The following TCF7L2 variants were observed in gnomAD, a reference collection of about 807,000 sequenced individuals.
TCF7L2 encodes the protein transcription factor 7 like 2.
A neutral mutation model predicts 77.9 loss-of-function variants in TCF7L2; 23 were observed. The observed-to-expected ratio is 0.30, with a 90% CI of 0.21 to 0.42. The LOEUF (loss-of-function observed/expected upper bound fraction) is 0.42. TCF7L2 is among the 10% of genes least tolerant of loss of function. TCF7L2 has a pLI of 1.00. For synonymous variants in TCF7L2, 413 were observed against 340.2 expected (o/e 1.21, Z -2.36); for missense variants, 654 against 793.1 (o/e 0.82, Z 2.11).
rs56967778 is a variant in TCF7L2, at chr10:113,144,622, A to C, written c.788+597A>C. Among the ~76,000 whole-genome samples the C allele has an allele frequency of 2.0e-5, 3 of 152,250 alleles. No individual in the cohort carries two copies. The East Asian group carries it at 5.8e-4, about 29-fold the overall frequency. On this transcript the variant is annotated intron_variant, in intron 7 of 13. Transcript: ENST00000627217. Reference sequence around the variant, plus strand: ...TTTGTCTGTTGAGAAGCTCCATGGGACTGAATCAGCATCTCTCTGAGAGTC... The same window carrying C: ...TTTGTCTGTTGAGAAGCTCCATGGGCCTGAATCAGCATCTCTCTGAGAGTC...
chr10:112,994,440 GT>G (rs1263005366), intron 4 of TCF7L2, among the ~76,000 whole-genome samples: 2 of 152,090 alleles, frequency 1.3e-5, no homozygotes, highest in Non-Finnish European at 2.9e-5. Context: ...ATATTTTATT[GT>G]ATGGATAGAC....
chr10:113,167,419 C>T lies in TCF7L2; in HGVS notation c.*1447C>T, dbSNP rs912173620. On this transcript the variant is annotated 3_prime_UTR_variant, in exon 14 of 14. Coordinates refer to ENST00000627217, the MANE Select transcript of TCF7L2 (RefSeq NM_001146274.2). ...AAGCTGAAACCTGTTCATTCAGTGC[C>T]ATTGTAGTTGACATGAAGCGATTGT... 1.3e-5 allele frequency: 3 copies of T among 225,430 alleles called. No individual in the cohort carries two copies. Among genetic ancestry groups the T allele is most frequent in the Non-Finnish European group, 2.6e-5 (3 of 113,368 alleles). 14.0% of individuals were successfully genotyped at this position (225,430 alleles called of 1,614,324 possible).
intron 4 of TCF7L2, among the ~76,000 whole-genome samples, chr10:113,014,703 T>C (rs2047045985): frequency 6.6e-6 from 1 of 151,720 alleles, no homozygotes; most frequent in South Asian, 2.1e-4. Flanking sequence ...GGAGAATTGC[T>C]TGATCCCAGG....
At position 112,950,658 on chromosome 10, in the gene TCF7L2, T is replaced by C; in HGVS notation, c.-99T>C. The C allele has an allele frequency of 1.5e-6, 2 of 1,307,470 alleles. No individual in the cohort carries two copies. Among genetic ancestry groups the C allele is most frequent in the Middle Eastern group, 3.0e-4 (1 of 3,370 alleles). The allele number at this position is 1,307,470 out of a possible 1,614,324, so 81.0% of individuals were successfully genotyped here. ...CCTTGGACTCGTCTTTTTCTTGCAA[T>C]ATTTTTTGGGGGGGCAAAACTTTTT... On this transcript the variant is annotated 5_prime_UTR_variant, in exon 1 of 14. Transcript: ENST00000627217.
At chr10:113,071,397 A>G (rs894750391) in intron 5 of TCF7L2, among the ~76,000 whole-genome samples, 1 of 152,144 alleles carries the variant, frequency 6.6e-6, no homozygotes, top group Non-Finnish European at 1.5e-5. Context: ...CCACTGGAGC[A>G]AGAGAAGCTT....
rs1427852083 is a variant in TCF7L2, at chr10:113,104,651, T to C, written c.553-36533T>C. On this transcript the variant is annotated intron_variant, in intron 5 of 13. Transcript: ENST00000627217. The stretch of plus-strand genomic sequence containing the variant: ...TGCAGATGGCCTAAAATACATATGG[T>C]AAGCCACTTATTTAATTTGATCTCA... Among the ~76,000 whole-genome samples the C allele has an allele frequency of 2.6e-5, 4 of 152,292 alleles. No individual in the cohort carries two copies. The East Asian group carries it at 7.7e-4, about 29-fold the overall frequency.
intron 5 of TCF7L2, among the ~76,000 whole-genome samples, chr10:113,067,317 A>G (rs147830157): frequency 1.9e-4 from 29 of 152,300 alleles, no homozygotes; most frequent in African/African-American, 7.0e-4. Context: ...CTGGCAGAAG[A>G]ATTTTCTGGT....
chr10:112,989,163 G>C (rs143576483), intron 4 of TCF7L2, among the ~76,000 whole-genome samples: 11 of 152,072 alleles, frequency 7.2e-5, no homozygotes, highest in Non-Finnish European at 1.5e-5. Context: ...TCAGATGTAG[G>C]TTCCTGTGTC....
Position 113,164,383 on chromosome 10 carries a change from G to A in TCF7L2, c.1392-1172G>A, listed in dbSNP as rs909170327. Among the ~76,000 whole-genome samples the A allele has an allele frequency of 5.3e-5, 8 of 152,272 alleles. No homozygotes were observed. In the South Asian group the frequency reaches 6.2e-4, roughly 12 times the overall value. On this transcript the variant is annotated intron_variant, in intron 13 of 13. Coordinates refer to ENST00000627217, the MANE Select transcript of TCF7L2 (RefSeq NM_001146274.2). ...AAATTAGTCTTTCTGGTTTAAACAC[G>A]AATCACGATAACCCAAACCCAGGAA... is the stretch of plus-strand genomic sequence containing the variant.
chr10:113,059,732 T>A (rs1012424160), intron 5 of TCF7L2, among the ~76,000 whole-genome samples: 1 of 152,096 alleles, frequency 6.6e-6, no homozygotes, highest in African/African-American at 2.4e-5. Flanking sequence ...GAATATTAAC[T>A]GTTTACTGCC....
rs1003550631 is a variant in TCF7L2 at position 113,151,974 on chromosome 10, A to G, written c.1161+90A>G. The G allele has an allele frequency of 2.7e-5, 40 of 1,497,108 alleles. No homozygotes were observed. In the East Asian group the frequency reaches 3.2e-4, roughly 12 times the overall value. 92.7% of individuals were successfully genotyped at this position (1,497,108 alleles called of 1,614,324 possible). A position where few individuals can be genotyped will look rare whatever the true frequency, so the allele number is the denominator to read the frequency against. On this transcript the variant is annotated intron_variant, in intron 10 of 13. Coordinates refer to ENST00000627217, the MANE Select transcript of TCF7L2 (RefSeq NM_001146274.2). This position sits in a 1 kb window ranked among gnomAD's most constrained non-coding sequence, Gnocchi z 5.2. ...CAGGTGGCAGAATGTCTCTGTCCCC[A>G]TTTCTTTGGAGAATTCTTGCCCTTC...
At chr10:112,983,200 G>C (rs530941956) in intron 4 of TCF7L2, among the ~76,000 whole-genome samples, 1 of 151,426 alleles carries the variant, frequency 6.6e-6, no homozygotes, top group Admixed American at 6.6e-5. Flanking sequence ...GGCCGGGCAC[G>C]GTGGCTCATG....
intron 5 of TCF7L2, 98 bp downstream of exon 5, chr10:113,040,224 T>C (rs2052192255): frequency 2.0e-6 from 2 of 1,019,124 alleles, no homozygotes; most frequent in Non-Finnish European, 2.9e-6. Flanking sequence ...ATTTTTTTCT[T>C]TCTTTAAACA....
intron 5 of TCF7L2, among the ~76,000 whole-genome samples, chr10:113,094,601 G>T (rs2060746165): frequency 6.6e-6 from 1 of 152,134 alleles, no homozygotes. Flanking sequence ...CCAAGACAAA[G>T]TGAATATTTT....
At chr10:113,117,635 C>T (rs540702259) in intron 5 of TCF7L2, among the ~76,000 whole-genome samples, 137 of 152,302 alleles carry the variant, frequency 9.0e-4, no homozygotes, top group African/African-American at 3.2e-3. Flanking sequence ...TACCAGTTCT[C>T]GGCATTCTTT....
intron 4 of TCF7L2, among the ~76,000 whole-genome samples, chr10:112,970,526 C>T (rs370861056): frequency 2.6e-5 from 4 of 151,780 alleles, no homozygotes; most frequent in Non-Finnish European, 4.4e-5. Flanking sequence ...CAGTCTTGTC[C>T]GTGTCTTAAC....
intron 5 of TCF7L2, among the ~76,000 whole-genome samples, chr10:113,052,419 A>G (rs551302323): frequency 1.3e-5 from 2 of 152,324 alleles, no homozygotes; most frequent in African/African-American, 4.8e-5. Flanking sequence ...GGAAAGTGTC[A>G]GAAATTGAGC....
chr10:112,950,702 C>G lies in TCF7L2; in HGVS notation c.-55C>G. 6.6e-7 allele frequency: 1 copy of G among 1,513,478 alleles called. No homozygotes were observed. Among genetic ancestry groups the G allele is most frequent in the Non-Finnish European group, 8.8e-7 (1 of 1,134,992 alleles). 93.8% of individuals were successfully genotyped at this position (1,513,478 alleles called of 1,614,324 possible). A position where few individuals can be genotyped will look rare whatever the true frequency, so the allele number is the denominator to read the frequency against. ...ACTTTTTGGGGGTGATTTTTTTTGG[C>G]TTTTCTTCCTCCTTCATTTTTCTTC... On this transcript the variant is annotated 5_prime_UTR_variant, in exon 1 of 14. Coordinates refer to ENST00000627217, the MANE Select transcript of TCF7L2 (RefSeq NM_001146274.2).
intron 4 of TCF7L2, among the ~76,000 whole-genome samples, chr10:112,965,381 G>T (rs779537542): frequency 7.2e-5 from 11 of 152,188 alleles, no homozygotes; most frequent in African/African-American, 2.7e-4. Context: ...TACGATTTTC[G>T]TCTGTCTGCC....
Sources: gnomAD v4.1 joint callset for allele counts (sites outside exome capture counted in the v4.1 genomes callset) on GRCh38, gnomAD v4.1.1 for gene constraint, Gnocchi (gnomAD v3.1) non-coding constraint, MANE v1.5 for transcripts, NCBI Gene and HGNC (gene_info 2026-07-23, HGNC 2026-07-21) for gene names.